CHN2: variants seen among roughly 807,000 people sequenced by gnomAD.
The protein encoded by CHN2 is beta-chimaerin.
A neutral mutation model predicts 56.3 loss-of-function variants in CHN2; 35 were observed. That is an observed-to-expected ratio of 0.62 (90% CI 0.47 to 0.82). CHN2 has a LOEUF of 0.82. Among genes scored for constraint, CHN2 ranks in the 40% least tolerant of loss-of-function variants. The pLI, the probability that CHN2 is intolerant of heterozygous loss-of-function variation, is 0.00. For synonymous variants in CHN2, 210 were observed against 212.8 expected (o/e 0.99, Z 0.12); for missense variants, 491 against 580.5 (o/e 0.85, Z 1.58).
intron 1 of CHN2, among the ~76,000 whole-genome samples, chr7:29,261,920 C>T (rs1324534402): frequency 7.2e-5 from 11 of 152,216 alleles, no homozygotes; most frequent in Admixed American, 6.5e-4. Flanking sequence ...GTAATCCAAG[C>T]ACTTTGGGAG....
At chr7:29,340,041 AT>A (rs967509000) in intron 1 of CHN2, among the ~76,000 whole-genome samples, 25 of 152,064 alleles carry the variant, frequency 1.6e-4, no homozygotes, top group Admixed American at 3.3e-4. Flanking sequence ...GGACTTTACA[AT>A]TTTTTTTCTT....
intron 6 of CHN2, among the ~76,000 whole-genome samples, chr7:29,467,428 A>G (rs898724383): frequency 2.0e-5 from 3 of 152,170 alleles, no homozygotes; most frequent in African/African-American, 7.2e-5. Flanking sequence ...CTGTTGTTGC[A>G]TAGGGGAAAG....
intron 4 of CHN2, chr7:29,397,142 C>T (rs954879567): frequency 2.6e-5 from 4 of 152,210 alleles, no homozygotes; most frequent in African/African-American, 7.2e-5. Flanking sequence ...CTTTAAGAAG[C>T]GATTTTGAAA....
intron 2 of CHN2, among the ~76,000 whole-genome samples, chr7:29,164,059 G>A (rs190854009): frequency 1.3e-5 from 2 of 152,320 alleles, no homozygotes; most frequent in African/African-American, 4.8e-5. Flanking sequence ...AGTAGAGAAT[G>A]TTTAACTTTT....
chr7:29,241,111 C>T (rs1340983903), intron 1 of CHN2, among the ~76,000 whole-genome samples: 4 of 152,162 alleles, frequency 2.6e-5, no homozygotes, highest in African/African-American at 9.7e-5. Flanking sequence ...ATCTTGACCT[C>T]CTGACCTCAA....
At chr7:29,253,936 G>A (rs1206588837) in intron 1 of CHN2, among the ~76,000 whole-genome samples, 1 of 151,938 alleles carries the variant, frequency 6.6e-6, no homozygotes, top group African/African-American at 2.4e-5. Flanking sequence ...ACGGAGTCTT[G>A]CTCTGTCGCC....
At chr7:29,395,752 C>A (rs1801690347) in intron 4 of CHN2, among the ~76,000 whole-genome samples, 1 of 152,156 alleles carries the variant, frequency 6.6e-6, no homozygotes, top group Admixed American at 6.5e-5. Flanking sequence ...AAGGGGATGA[C>A]AAGCCACAGA....
intron 6 of CHN2, among the ~76,000 whole-genome samples, chr7:29,401,870 G>C (rs930323111): frequency 2.6e-5 from 4 of 152,148 alleles, no homozygotes; most frequent in Admixed American, 6.5e-5. Context: ...TGCCCCTTGA[G>C]GGACCATCTG....
intron 2 of CHN2, among the ~76,000 whole-genome samples, chr7:29,364,830 A>T (rs918019984): frequency 1.3e-5 from 2 of 152,212 alleles, no homozygotes; most frequent in South Asian, 2.1e-4. Flanking sequence ...TCTTTGTCCC[A>T]TTCCTGTCCT....
chr7:29,483,028 A>T (rs1332781963), intron 7 of CHN2, among the ~76,000 whole-genome samples: 1 of 151,664 alleles, frequency 6.6e-6, no homozygotes, highest in Non-Finnish European at 1.5e-5. Context: ...TCACCGTGTT[A>T]GCCAAGATGG....
intron 1 of CHN2, among the ~76,000 whole-genome samples, chr7:29,257,665 G>T (rs1395637313): frequency 6.6e-6 from 1 of 152,224 alleles, no homozygotes; most frequent in Non-Finnish European, 1.5e-5. Flanking sequence ...CTCTAAACTA[G>T]TTGAAGCAGA....
intron 2 of CHN2, among the ~76,000 whole-genome samples, chr7:29,149,189 C>CTTT (rs60520174): frequency 0.026 from 2,578 of 100,240 alleles, 103 homozygotes; most frequent in African/African-American, 0.038. Flanking sequence ...GTCTGTTTCC[C>CTTT]TTTTTTTTTT....
intron 2 of CHN2, chr7:29,147,221 G>A: frequency 2.1e-6 from 1 of 481,500 alleles, no homozygotes; most frequent in South Asian, 2.6e-5. Flanking sequence ...AGGTTGCAAT[G>A]GCAAGTAGAT....
chr7:29,449,864 A>C (rs1784282141), intron 6 of CHN2, among the ~76,000 whole-genome samples: 1 of 152,224 alleles, frequency 6.6e-6, no homozygotes, highest in Non-Finnish European at 1.5e-5. Flanking sequence ...GCTGGGTGGT[A>C]ACTTGGTGTT....
intron 1 of CHN2, among the ~76,000 whole-genome samples, chr7:29,326,027 A>G (rs1795771908): frequency 6.6e-6 from 1 of 152,254 alleles, no homozygotes; most frequent in African/African-American, 2.4e-5. Flanking sequence ...ATTCTAAGAT[A>G]CTTTCTCCTA....
intron 6 of CHN2, among the ~76,000 whole-genome samples, chr7:29,465,713 T>C (rs1272109657): frequency 2.0e-5 from 3 of 152,106 alleles, no homozygotes; most frequent in African/African-American, 7.2e-5. Context: ...GCACACTGCA[T>C]TTCCAACTCA....
At chr7:29,213,267 C>T (rs1378544362) in intron 1 of CHN2, 7 of 885,926 alleles carry the variant, frequency 7.9e-6, no homozygotes, top group Non-Finnish European at 1.1e-5. Context: ...TGGCTGAATC[C>T]TTCCTCTCCC....
chr7:29,407,523 T>C (rs1436161992), intron 6 of CHN2, among the ~76,000 whole-genome samples: 2 of 152,090 alleles, frequency 1.3e-5, no homozygotes, highest in Non-Finnish European at 2.9e-5. Context: ...AAAGAACCTA[T>C]AGATTTTCTC....
intron 1 of CHN2, among the ~76,000 whole-genome samples, chr7:29,283,922 C>CTTTTTTTTTTT (rs70980520): frequency 5.7e-5 from 4 of 69,956 alleles, no homozygotes; most frequent in Admixed American, 1.8e-4. Flanking sequence ...CAGCCAAGCT[C>CTTTTTTTTTTT]TTTTTTTTTT....
Sources: allele counts gnomAD v4.1 joint callset (sites outside exome capture counted in the v4.1 genomes callset), GRCh38; gene constraint gnomAD v4.1.1; transcripts MANE v1.5; gene names NCBI Gene and HGNC (gene_info 2026-07-23, HGNC 2026-07-21).